The following NBEA variants were observed in gnomAD, a reference collection of about 807,000 sequenced individuals.
NBEA encodes the protein neurobeachin.
A neutral mutation model predicts 343.4 loss-of-function variants in NBEA; 44 were observed. The ratio of observed to expected loss-of-function variants is 0.13; its 90% CI spans 0.10 to 0.16. The LOEUF is 0.16. Ranked by LOEUF, NBEA falls within the 10% of genes least tolerant of loss-of-function variation. The probability of loss-of-function intolerance (pLI) is 1.00; values close to 1 mark genes in which losing one functional copy is unlikely to be tolerated. For synonymous variants in NBEA, 1,175 were observed against 1,238.7 expected (o/e 0.95, Z 1.08); for missense variants, 2,555 against 3,631.3 (o/e 0.70, Z 7.62).
chr13:35,274,623 T>A (rs1286859707), intron 34 of NBEA, among the ~76,000 whole-genome samples: 1 of 152,186 alleles, frequency 6.6e-6, no homozygotes, highest in African/African-American at 2.4e-5. Flanking sequence ...CCCCATCATC[T>A]CAGCCCCAAA....
chr13:35,292,670 T>A (rs2035876896), intron 35 of NBEA, among the ~76,000 whole-genome samples: 1 of 152,030 alleles, frequency 6.6e-6, no homozygotes, highest in Non-Finnish European at 1.5e-5. Context: ...TTAATACTAA[T>A]AAAAATAGTT....
chr13:35,537,093 G>A (rs2078594637), intron 41 of NBEA, among the ~76,000 whole-genome samples: 1 of 152,096 alleles, frequency 6.6e-6, no homozygotes, highest in Non-Finnish European at 1.5e-5. Context: ...AAGCAGTAGT[G>A]TCTACTATAG....
At chr13:35,099,700 G>T (rs539851286) in intron 11 of NBEA, among the ~76,000 whole-genome samples, 3 of 151,706 alleles carry the variant, frequency 2.0e-5, no homozygotes, top group East Asian at 1.9e-4. Flanking sequence ...TCTGATCTAC[G>T]CATAATATAA....
chr13:35,477,971 T>C (rs1286094438), intron 41 of NBEA, among the ~76,000 whole-genome samples: 1 of 152,190 alleles, frequency 6.6e-6, no homozygotes, highest in Non-Finnish European at 1.5e-5. Flanking sequence ...CGTTGTGGTT[T>C]TTAAAACTAG....
intron 38 of NBEA, among the ~76,000 whole-genome samples, chr13:35,389,903 A>G (rs1240230601): frequency 6.7e-6 from 1 of 148,878 alleles, no homozygotes; most frequent in Non-Finnish European, 1.5e-5. Flanking sequence ...TTTGTGGTTA[A>G]GATTACAGTT....
intron 38 of NBEA, among the ~76,000 whole-genome samples, chr13:35,421,919 T>TTTTTTTTTGCCA (rs2044298953): frequency 6.6e-6 from 1 of 152,108 alleles, no homozygotes. Context: ...GCCACTTTTC[T>TTTTTTTTTGCCA]CTGGCTGCTC....
At chr13:34,989,347 T>G (rs1183694636) in intron 1 of NBEA, among the ~76,000 whole-genome samples, 1 of 150,938 alleles carries the variant, frequency 6.6e-6, no homozygotes, top group Admixed American at 6.6e-5. Flanking sequence ...GAAAAGAGAT[T>G]TAATCGATTC....
chr13:35,577,667 G>A (rs1208155310), intron 45 of NBEA, among the ~76,000 whole-genome samples: 1 of 151,788 alleles, frequency 6.6e-6, no homozygotes, highest in Non-Finnish European at 1.5e-5. Flanking sequence ...ATATAATTGG[G>A]TCAATCAGTC....
At chr13:35,604,397 T>C (rs946860969) in intron 47 of NBEA, among the ~76,000 whole-genome samples, 1 of 152,164 alleles carries the variant, frequency 6.6e-6, no homozygotes, top group Admixed American at 6.5e-5. Flanking sequence ...ATTTGGCCCC[T>C]AGTGTGAGCC....
At chr13:35,119,799 C>T (rs1346142338) in intron 16 of NBEA, among the ~76,000 whole-genome samples, 3 of 152,118 alleles carry the variant, frequency 2.0e-5, no homozygotes, top group Non-Finnish European at 4.4e-5. Flanking sequence ...CCATGTTAGC[C>T]AGGATGGTCT....
At chr13:34,961,650 G>C (rs2059666035) in intron 1 of NBEA, among the ~76,000 whole-genome samples, 1 of 152,056 alleles carries the variant, frequency 6.6e-6, no homozygotes, top group Non-Finnish European at 1.5e-5. Context: ...TAAGGTCTCT[G>C]CCCTGGAGTT....
intron 18 of NBEA, among the ~76,000 whole-genome samples, chr13:35,146,223 C>G (rs1293831671): frequency 2.0e-5 from 3 of 152,048 alleles, no homozygotes; most frequent in Admixed American, 1.3e-4. Flanking sequence ...AAATCCCATT[C>G]CAATAAAGAA....
At chr13:35,217,536 G>A (rs928658985) in intron 33 of NBEA, among the ~76,000 whole-genome samples, 1 of 152,018 alleles carries the variant, frequency 6.6e-6, no homozygotes, top group Non-Finnish European at 1.5e-5. Flanking sequence ...ATTTTGAGCT[G>A]ATGTCTGTGT....
At chr13:35,006,094 G>A (rs570905236) in intron 1 of NBEA, among the ~76,000 whole-genome samples, 13 of 152,048 alleles carry the variant, frequency 8.5e-5, no homozygotes, top group African/African-American at 3.1e-4. Flanking sequence ...TCTTTAAATT[G>A]GAGGGTCTAG....
chr13:35,222,953 G>A (rs1566481640), intron 33 of NBEA, among the ~76,000 whole-genome samples: 1 of 152,110 alleles, frequency 6.6e-6, no homozygotes, highest in Non-Finnish European at 1.5e-5. Flanking sequence ...CCAACATGCT[G>A]AAACCGCATC....
At position 35,290,455 on chromosome 13, in the gene NBEA, A is replaced by C; in HGVS notation, c.5838+5A>C. Reference sequence around the variant, plus strand: ...GTTATGCTGCTTTGTTCTCAGGTACAAAATCCCATTCACTCAGTTACATTA... The same window carrying C: ...GTTATGCTGCTTTGTTCTCAGGTACCAAATCCCATTCACTCAGTTACATTA... On this transcript the variant is annotated splice_donor_5th_base_variant and intron_variant, in intron 35 of 58. Coordinates refer to ENST00000379939, the MANE Select transcript of NBEA (RefSeq NM_001385012.1). 2 of 1,601,558 alleles carry C rather than the reference A, an allele frequency of 1.2e-6. No homozygotes were observed. Among genetic ancestry groups the C allele is most frequent in the Non-Finnish European group, 1.7e-6 (2 of 1,170,864 alleles).
intron 38 of NBEA, among the ~76,000 whole-genome samples, chr13:35,429,696 C>T (rs1201988427): frequency 6.6e-6 from 1 of 151,856 alleles, no homozygotes; most frequent in Non-Finnish European, 1.5e-5. Flanking sequence ...TAAGTGGTGA[C>T]TTCTGAGATT....
intron 47 of NBEA, among the ~76,000 whole-genome samples, chr13:35,598,203 A>T (rs1382149885): frequency 6.6e-6 from 1 of 152,176 alleles, no homozygotes; most frequent in African/African-American, 2.4e-5. Context: ...CAGAACAGTT[A>T]AACTTCGGTA....
At position 35,660,887 on chromosome 13, in the gene NBEA, C is replaced by T. The variant is rs560744774; in HGVS notation, c.8363-4198C>T. Among the ~76,000 whole-genome samples, 3 of 152,318 alleles carry T rather than the reference C, an allele frequency of 2.0e-5. No homozygotes were observed. In the East Asian group the frequency reaches 5.8e-4, roughly 29 times the overall value. On this transcript the variant is annotated intron_variant, in intron 55 of 58. Coordinates refer to ENST00000379939, the MANE Select transcript of NBEA (RefSeq NM_001385012.1). ...ATATGTTAAACCATCTTTGTAAGATCAGAGGAAGTGTAGCTCCATATGCAA... is the reference window on the plus strand; with the variant it reads ...ATATGTTAAACCATCTTTGTAAGATTAGAGGAAGTGTAGCTCCATATGCAA...
Sources: gnomAD v4.1 joint callset for allele counts (sites outside exome capture counted in the v4.1 genomes callset) on GRCh38, gnomAD v4.1.1 for gene constraint, MANE v1.5 for transcripts, NCBI Gene and HGNC (gene_info 2026-07-23, HGNC 2026-07-21) for gene names.